The following EPHA3 variants were observed in gnomAD, a reference collection of about 807,000 sequenced individuals.
The protein encoded by EPHA3 is EPH receptor A3, also known as ephrin type-A receptor 3.
A neutral mutation model predicts 107.1 loss-of-function variants in EPHA3; 42 were observed. The ratio of observed to expected loss-of-function variants is 0.39; its 90% confidence interval spans 0.31 to 0.51. The LOEUF (loss-of-function observed/expected upper bound fraction) is 0.51, where lower values mean the gene tolerates loss of function less well. Among genes scored for constraint, EPHA3 ranks in the 20% least tolerant of loss-of-function variants. EPHA3 has a pLI of 0.78. For missense variants in EPHA3, 1,183 were observed against 1,211.2 expected (o/e 0.98, Z 0.35); for synonymous variants, 461 against 424.8 (o/e 1.09, Z -1.05).
At chr3:89,361,238 G>T (rs1379519800) in intron 5 of EPHA3, among the ~76,000 whole-genome samples, 2 of 150,968 alleles carry the variant, frequency 1.3e-5, no homozygotes, top group Non-Finnish European at 3.0e-5. Flanking sequence ...TGGAAATAAA[G>T]ACCTATGAAT....
rs538112519 is a variant in EPHA3 at position 89,323,968 on chromosome 3, A to G, written c.815-16948A>G. Among the ~76,000 whole-genome samples the G allele has an allele frequency of 2.0e-5, 3 of 151,884 alleles. No individual in the cohort carries two copies. In the South Asian group the frequency reaches 6.2e-4, roughly 32 times the overall value. ...AATATTGGAATCCATTTTTTTTTGC[A>G]GTACAAATACTATAAATACCACACG... On this transcript the variant is annotated intron_variant, in intron 3 of 16. Coordinates refer to ENST00000336596, the MANE Select transcript of EPHA3 (RefSeq NM_005233.6).
chr3:89,137,496 G>C (rs1313863820), intron 2 of EPHA3, among the ~76,000 whole-genome samples: 1 of 151,804 alleles, frequency 6.6e-6, no homozygotes, highest in African/African-American at 2.4e-5. Context: ...TACTTTTTAC[G>C]TAAGTCCCAT....
intron 2 of EPHA3, among the ~76,000 whole-genome samples, chr3:89,168,638 A>G (rs1274862839): frequency 6.6e-6 from 1 of 152,060 alleles, no homozygotes; most frequent in African/African-American, 2.4e-5. Flanking sequence ...TATATTTAAG[A>G]AAAATAATAC....
At chr3:89,180,926 T>G (rs1468414128) in intron 2 of EPHA3, among the ~76,000 whole-genome samples, 1 of 151,914 alleles carries the variant, frequency 6.6e-6, no homozygotes, top group East Asian at 1.9e-4. Flanking sequence ...AAAAAAGAGA[T>G]TTTGTCACAG....
At chr3:89,315,405 G>T (rs1706872908) in intron 3 of EPHA3, among the ~76,000 whole-genome samples, 1 of 151,718 alleles carries the variant, frequency 6.6e-6, no homozygotes, top group Admixed American at 6.6e-5. Context: ...AGAGCTCAGG[G>T]AACATGAACA....
chr3:89,235,316 C>T (rs1411634028), intron 3 of EPHA3, among the ~76,000 whole-genome samples: 1 of 152,068 alleles, frequency 6.6e-6, no homozygotes, highest in Non-Finnish European at 1.5e-5. Flanking sequence ...TTCTTTAATA[C>T]TGTTTCGACA....
At chr3:89,161,395 C>T (rs1318933898) in intron 2 of EPHA3, among the ~76,000 whole-genome samples, 1 of 152,064 alleles carries the variant, frequency 6.6e-6, no homozygotes, top group Non-Finnish European at 1.5e-5. Context: ...GTAATGTTTA[C>T]ATAGTATAAA....
At chr3:89,460,718 A>G (rs1399789824) in intron 15 of EPHA3, among the ~76,000 whole-genome samples, 1 of 147,682 alleles carries the variant, frequency 6.8e-6, no homozygotes, top group Non-Finnish European at 1.5e-5. Flanking sequence ...CTTTGACCTC[A>G]AATTCTGAAA....
At chr3:89,328,001 G>A (rs1308922353) in intron 3 of EPHA3, among the ~76,000 whole-genome samples, 1 of 151,896 alleles carries the variant, frequency 6.6e-6, no homozygotes, top group Non-Finnish European at 1.5e-5. Context: ...AGGAGGCTGA[G>A]GCAGGAGAAT....
At position 89,296,365 on chromosome 3, in the gene EPHA3, C is replaced by T. The variant is rs568026381; in HGVS notation, c.815-44551C>T. On this transcript the variant is annotated intron_variant, in intron 3 of 16. Transcript: ENST00000336596. ...TCAAAATTACTCCTTGATTCATGGGCTTCAGAATGAATGTTATGTTAACAC... is the reference window on the plus strand; with the variant it reads ...TCAAAATTACTCCTTGATTCATGGGTTTCAGAATGAATGTTATGTTAACAC... 4.1e-4 allele frequency among the ~76,000 whole-genome samples: 63 copies of T among 152,184 alleles called. 1 individual carries two copies. The highest frequency in any genetic ancestry group is 6.2e-4 in the Non-Finnish European group (42 of 68,032).
chr3:89,279,187 GT>G (rs1178563104), intron 3 of EPHA3, among the ~76,000 whole-genome samples: 1 of 151,822 alleles, frequency 6.6e-6, no homozygotes, highest in Non-Finnish European at 1.5e-5. Context: ...GTTCCTTAGA[GT>G]TTTTTTTAAT....
intron 2 of EPHA3, among the ~76,000 whole-genome samples, chr3:89,155,312 C>T (rs1704775188): frequency 6.6e-6 from 1 of 151,968 alleles, no homozygotes; most frequent in South Asian, 2.1e-4. Context: ...TCTCAAACTT[C>T]AAGAAACATA....
At chr3:89,207,965 A>C (rs1434122092) in intron 2 of EPHA3, among the ~76,000 whole-genome samples, 1 of 152,194 alleles carries the variant, frequency 6.6e-6, no homozygotes, top group Admixed American at 6.5e-5. Flanking sequence ...TAAATTTACA[A>C]ATGAATAGGG....
intron 5 of EPHA3, among the ~76,000 whole-genome samples, chr3:89,376,567 T>C (rs1253067595): frequency 6.6e-6 from 1 of 151,990 alleles, no homozygotes; most frequent in African/African-American, 2.4e-5. Context: ...AATTTATGTT[T>C]TAATTTCATC....
At chr3:89,476,402 G>A (rs1710508082) in intron 16 of EPHA3, among the ~76,000 whole-genome samples, 1 of 148,208 alleles carries the variant, frequency 6.7e-6, no homozygotes, top group African/African-American at 2.5e-5. Context: ...ACTTGGGGAT[G>A]AGTGCTTCAG....
chr3:89,469,280 G>A (rs1423948264), intron 15 of EPHA3, among the ~76,000 whole-genome samples: 4 of 152,142 alleles, frequency 2.6e-5, no homozygotes, highest in Non-Finnish European at 5.9e-5. Flanking sequence ...ATCACAGAGA[G>A]GGGACTATTA....
intron 2 of EPHA3, among the ~76,000 whole-genome samples, chr3:89,175,256 C>G (rs1335704248): frequency 6.6e-6 from 1 of 151,916 alleles, no homozygotes; most frequent in African/African-American, 2.4e-5. Flanking sequence ...TGTGGTAAAA[C>G]CGAGTGGTGT....
chr3:89,109,826 A>G (rs763849642), intron 1 of EPHA3, among the ~76,000 whole-genome samples: 19 of 152,022 alleles, frequency 1.2e-4, no homozygotes, highest in South Asian at 2.1e-4. Context: ...AAGTTTATCC[A>G]TCATTCATGG....
chr3:89,208,248 T>C (rs1046956618), intron 2 of EPHA3, among the ~76,000 whole-genome samples: 5 of 151,230 alleles, frequency 3.3e-5, no homozygotes, highest in Non-Finnish European at 5.9e-5. Flanking sequence ...TGGGGGCCTA[T>C]AATCCCAGCT....
Sources: allele counts gnomAD v4.1 joint callset (sites outside exome capture counted in the v4.1 genomes callset), GRCh38; gene constraint gnomAD v4.1.1; transcripts MANE v1.5; gene names NCBI Gene and HGNC (gene_info 2026-07-23, HGNC 2026-07-21).